TSPAN13: variants seen among roughly 807,000 people sequenced by gnomAD.
TSPAN13 encodes tetraspanin-13.
Under a neutral mutation model 26.9 loss-of-function variants are expected in TSPAN13, and 18 were observed. The observed-to-expected ratio is 0.67, with a 90% CI of 0.46 to 0.99. The LOEUF is 0.99. Ranked by LOEUF, TSPAN13 falls within the 50% of genes least tolerant of loss-of-function variation. The pLI is 0.00. For missense variants in TSPAN13, 201 were observed against 249.6 expected (o/e 0.81, Z 1.31); for synonymous variants, 116 against 98.4 (o/e 1.18, Z -1.06).
intron 1 of TSPAN13, among the ~76,000 whole-genome samples, chr7:16,766,493 G>T (rs917886996): frequency 1.3e-5 from 2 of 152,224 alleles, no homozygotes; most frequent in East Asian, 3.8e-4. Context: ...CCATCTGAGT[G>T]TGATGGACCT....
At chr7:16,758,354 A>G (rs1489570615) in intron 1 of TSPAN13, among the ~76,000 whole-genome samples, 1 of 152,186 alleles carries the variant, frequency 6.6e-6, no homozygotes, top group Non-Finnish European at 1.5e-5. Context: ...GCTTACTTTG[A>G]GTTTCAGTTT....
intron 1 of TSPAN13, among the ~76,000 whole-genome samples, chr7:16,758,149 CT>C (rs1784503518): frequency 6.6e-6 from 1 of 151,922 alleles, no homozygotes; most frequent in Non-Finnish European, 1.5e-5. Flanking sequence ...TGCTCCCGGC[CT>C]GGGATGCATT....
chr7:16,776,102 G>T (rs1784739959), intron 1 of TSPAN13, 109 bp from the exon 2 acceptor site: 1 of 1,000,544 alleles, frequency 1.0e-6, no homozygotes, highest in African/African-American at 1.6e-5. Context: ...ATTTGTAAGA[G>T]ACTACGTAGG....
intron 1 of TSPAN13, among the ~76,000 whole-genome samples, chr7:16,764,909 C>T (rs1784588562): frequency 6.7e-6 from 1 of 149,728 alleles, no homozygotes; most frequent in Non-Finnish European, 1.5e-5. Flanking sequence ...TGTTCTCTCT[C>T]TGTCTCTGTT....
In TSPAN13 at chr7:16,776,375, T is replaced by C. The variant is rs2290837; in HGVS notation, c.228T>C (p.Phe76=). ...TAAAACATCATCAGGTGTTGCTATT[T>C]TTTGTATCCTTTTTAAAAATCAAGA... ...GAVKHHQVLL[F]FYMIILLLVF... The change falls in exon 2 of 6, where the codon TTT becomes TTC. Residue 76 remains phenylalanine, a synonymous_variant. Coordinates refer to ENST00000262067, the MANE Select transcript of TSPAN13 (RefSeq NM_014399.4). The C allele has an allele frequency of 0.37, 595,387 of 1,609,438 alleles. 112,940 individuals are homozygous for C. Among genetic ancestry groups the C allele is most frequent in the African/African-American group, 0.47 (35,071 of 74,738 alleles).
intron 5 of TSPAN13, among the ~76,000 whole-genome samples, chr7:16,782,519 TTAAAA>T (rs1184026761): frequency 3.3e-5 from 5 of 152,342 alleles, no homozygotes; most frequent in African/African-American, 1.2e-4. Context: ...TTTCATTTAT[TTAAAA>T]TAAACCAACT....
chr7:16,760,247 GGAGCATTGA>G (rs1297142717), intron 1 of TSPAN13, among the ~76,000 whole-genome samples: 6 of 152,090 alleles, frequency 3.9e-5, no homozygotes, highest in Non-Finnish European at 7.4e-5. Flanking sequence ...GGCACAGGTG[GGAGCATTGA>G]GACTAGTTAC....
intron 4 of TSPAN13, among the ~76,000 whole-genome samples, chr7:16,778,203 C>T (rs551225807): frequency 2.9e-4 from 44 of 152,252 alleles, no homozygotes; most frequent in African/African-American, 9.6e-4. Context: ...AATAATAGTA[C>T]GTCAGTTCAT....
chr7:16,777,984 A>G, intron 4 of TSPAN13, 73 bp downstream of exon 4: 1 of 1,047,718 alleles, frequency 9.5e-7, no homozygotes, highest in Non-Finnish European at 1.4e-6. Flanking sequence ...GAAGAAATGG[A>G]CTTTCTGATG....
chr7:16,758,267 A>C (rs1055948047), intron 1 of TSPAN13, among the ~76,000 whole-genome samples: 3 of 152,204 alleles, frequency 2.0e-5, no homozygotes, highest in Admixed American at 2.0e-4. Context: ...ACATATGTCC[A>C]TACAAATTAT....
chr7:16,763,036 C>G lies in TSPAN13; in HGVS notation c.63+9006C>G, dbSNP rs151185808. On this transcript the variant is annotated intron_variant, in intron 1 of 5. Coordinates refer to ENST00000262067, the MANE Select transcript of TSPAN13 (RefSeq NM_014399.4). ...GAAATCCCTCTTTCCCACCCTTAAA[C>G]CCCCCACCTAGTCTGCAGGCAACCA... Among the ~76,000 whole-genome samples the G allele has an allele frequency of 1.7e-3, 260 of 152,250 alleles. 2 individuals are homozygous for G. The highest frequency in any genetic ancestry group is 6.1e-3 in the African/African-American group (255 of 41,538).
intron 5 of TSPAN13, among the ~76,000 whole-genome samples, chr7:16,782,930 C>T (rs904825517): frequency 6.6e-6 from 1 of 152,174 alleles, no homozygotes; most frequent in Non-Finnish European, 1.5e-5. Context: ...GCCAGGCTCA[C>T]CAGCCCTCCT....
At chr7:16,762,449 C>A (rs1009900504) in intron 1 of TSPAN13, among the ~76,000 whole-genome samples, 8 of 152,120 alleles carry the variant, frequency 5.3e-5, no homozygotes, top group Non-Finnish European at 1.0e-4. Flanking sequence ...TAATGAATAA[C>A]CTCGGGCGAT....
intron 1 of TSPAN13, among the ~76,000 whole-genome samples, chr7:16,772,568 G>A (rs995631115): frequency 3.3e-5 from 5 of 152,062 alleles, no homozygotes; most frequent in Non-Finnish European, 7.4e-5. Context: ...TACATTGTGT[G>A]TGTCTCTCTC....
intron 1 of TSPAN13, among the ~76,000 whole-genome samples, chr7:16,758,844 G>C (rs1350518144): frequency 6.6e-6 from 1 of 150,848 alleles, no homozygotes. Context: ...CTGTAAAATT[G>C]TATTATAATT....
rs561850660 is a variant in TSPAN13 at position 16,753,846 on chromosome 7, C to T, written c.-122C>T. The T allele has an allele frequency of 2.8e-5, 30 of 1,066,500 alleles. No individual in the cohort carries two copies. Among genetic ancestry groups the T allele is most frequent in the African/African-American group, 1.6e-4 (10 of 62,320 alleles). The allele number at this position is 1,066,500 out of a possible 1,614,324, so 66.1% of individuals were successfully genotyped here. On this transcript the variant is annotated 5_prime_UTR_variant, in exon 1 of 6. Transcript: ENST00000262067. ...ACTGCAGCCCCAGGCCCCGGCCCCCCACCCACGTCTGCGTTGCTGCCCCGC... is the reference window on the plus strand; with the variant it reads ...ACTGCAGCCCCAGGCCCCGGCCCCCTACCCACGTCTGCGTTGCTGCCCCGC...
At chr7:16,759,739 C>T (rs1232985022) in intron 1 of TSPAN13, among the ~76,000 whole-genome samples, 10 of 148,424 alleles carry the variant, frequency 6.7e-5, no homozygotes, top group South Asian at 6.4e-4. Flanking sequence ...TGCTCTGTCA[C>T]GCAGTGGCGT....
chr7:16,757,729 T>G (rs1380378731), intron 1 of TSPAN13, among the ~76,000 whole-genome samples: 8 of 152,220 alleles, frequency 5.3e-5, no homozygotes, highest in Admixed American at 3.9e-4. Context: ...TACTTTTGGT[T>G]GTTTTGAGAA....
chr7:16,763,064 G>C (rs1784564259), intron 1 of TSPAN13, among the ~76,000 whole-genome samples: 1 of 152,042 alleles, frequency 6.6e-6, no homozygotes, highest in Admixed American at 6.6e-5. Context: ...GGCAACCATG[G>C]ACCTGCTCAG....
Sources: allele counts gnomAD v4.1 joint callset (sites outside exome capture counted in the v4.1 genomes callset), GRCh38; gene constraint gnomAD v4.1.1; transcripts MANE v1.5; gene names NCBI Gene and HGNC (gene_info 2026-07-23, HGNC 2026-07-21).